Variants in KCTD16 observed in about 807,000 individuals in gnomAD.
KCTD16 encodes the protein BTB/POZ domain-containing protein KCTD16.
A neutral mutation model predicts 33.2 loss-of-function variants in KCTD16; 13 were observed. That is an observed-to-expected ratio of 0.39 (90% CI 0.25 to 0.62). The LOEUF is 0.62. Ranked by LOEUF, KCTD16 falls within the 20% of genes least tolerant of loss-of-function variation. The pLI, the probability that KCTD16 is intolerant of heterozygous loss-of-function variation, is 0.50. For missense variants in KCTD16, 441 were observed against 525.1 expected (o/e 0.84, Z 1.57); for synonymous variants, 197 against 195.3 (o/e 1.01, Z -0.07).
At chr5:144,229,436 C>G (rs1291685353) in intron 3 of KCTD16, among the ~76,000 whole-genome samples, 1 of 152,086 alleles carries the variant, frequency 6.6e-6, no homozygotes, top group East Asian at 1.9e-4. Context: ...TGAATAATGA[C>G]ACACTCAGGG....
At chr5:144,405,659 T>C (rs774522844) in intron 3 of KCTD16, among the ~76,000 whole-genome samples, 3 of 152,204 alleles carry the variant, frequency 2.0e-5, no homozygotes, top group Non-Finnish European at 4.4e-5. Context: ...TCTGAACTTG[T>C]AGCTCCAGGG....
Position 144,299,073 on chromosome 5 carries a change from T to TA in KCTD16, c.832+91527_832+91528insA, listed in dbSNP as rs57687911. ...ATATATATATATATATATATATATA[T>TA]TTTTGTATATATATATCACTATGTA... On this transcript the variant is annotated intron_variant, in intron 3 of 3. Transcript: ENST00000512467. Among the ~76,000 whole-genome samples the TA allele has an allele frequency of 1.7e-3, 111 of 64,018 alleles. 4 individuals are homozygous for TA. Among genetic ancestry groups the TA allele is most frequent in the Middle Eastern group, 7.7e-3 (1 of 130 alleles). 42.0% of individuals were successfully genotyped at this position (64,018 alleles called of 152,430 possible). A position where few individuals can be genotyped will look rare whatever the true frequency, so the allele number is the denominator to read the frequency against.
Position 144,478,058 on chromosome 5 carries a change from C to T in KCTD16, c.*3944C>T, listed in dbSNP as rs551530763. 3 of 152,132 alleles carry T rather than the reference C, an allele frequency of 2.0e-5. No homozygotes were observed. The highest frequency in any genetic ancestry group is 7.2e-5 in the African/African-American group (3 of 41,540). 9.4% of individuals were successfully genotyped at this position (152,132 alleles called of 1,614,324 possible). A position where few individuals can be genotyped will look rare whatever the true frequency, so the allele number is the denominator to read the frequency against. On this transcript the variant is annotated 3_prime_UTR_variant, in exon 4 of 4. Transcript: ENST00000512467. The stretch of plus-strand genomic sequence containing the variant: ...TTTATAGGTTTAGCATGGGCCATTT[C>T]TCTCTTTAATGTCTTGGTATTGTTG...
chr5:144,369,718 C>A (rs1427647252), intron 3 of KCTD16, among the ~76,000 whole-genome samples: 1 of 152,118 alleles, frequency 6.6e-6, no homozygotes, highest in African/African-American at 2.4e-5. Context: ...CAATCTAAAT[C>A]TAATCTCCTT....
At chr5:144,207,910 A>G in intron 3 of KCTD16, among the ~76,000 whole-genome samples, 1 of 152,218 alleles carries the variant, frequency 6.6e-6, no homozygotes, top group East Asian at 1.9e-4. Flanking sequence ...TGGTATACTC[A>G]GTGGGTGAAT....
At chr5:144,176,629 C>T (rs113866473) in intron 2 of KCTD16, among the ~76,000 whole-genome samples, 23,111 of 151,472 alleles carry the variant, frequency 0.15, 1,935 homozygotes, top group Admixed American at 0.25. Flanking sequence ...GTCTCGATCT[C>T]CTGACCTCAT....
At chr5:144,239,118 T>C (rs768089656) in intron 3 of KCTD16, among the ~76,000 whole-genome samples, 4 of 152,160 alleles carry the variant, frequency 2.6e-5, no homozygotes, top group Non-Finnish European at 4.4e-5. Flanking sequence ...AGTTGTCTTA[T>C]CTGCAAACTG....
intron 3 of KCTD16, among the ~76,000 whole-genome samples, chr5:144,403,994 G>C (rs1752759319): frequency 6.6e-6 from 1 of 152,178 alleles, no homozygotes; most frequent in African/African-American, 2.4e-5. Flanking sequence ...TGGGAAGCAG[G>C]CCGTGCGCAT....
At position 144,397,896 on chromosome 5, in the gene KCTD16, G is replaced by A. The variant is rs73303983; in HGVS notation, c.833-75764G>A. ...AAAAGAATTTATCTCTGATGTTAGT[G>A]AGAAGAACATGTCTCAGATTCCCCT... On this transcript the variant is annotated intron_variant, in intron 3 of 3. Coordinates refer to ENST00000512467, the MANE Select transcript of KCTD16 (RefSeq NM_020768.4). Among the ~76,000 whole-genome samples, 274 of 152,320 alleles carry A rather than the reference G, an allele frequency of 1.8e-3. 1 individual carries two copies. Among genetic ancestry groups the A allele is most frequent in the African/African-American group, 6.1e-3 (253 of 41,568 alleles).
chr5:144,397,429 G>A (rs1253924652), intron 3 of KCTD16, among the ~76,000 whole-genome samples: 1 of 152,084 alleles, frequency 6.6e-6, no homozygotes, highest in Non-Finnish European at 1.5e-5. Context: ...AATCCTTTGG[G>A]TATATACCCA....
intron 3 of KCTD16, among the ~76,000 whole-genome samples, chr5:144,214,356 ATCC>A (rs1341005315): frequency 7.2e-5 from 11 of 152,068 alleles, no homozygotes; most frequent in African/African-American, 2.7e-4. Flanking sequence ...CTTTGGATCT[ATCC>A]TCCTTGCTGC....
intron 3 of KCTD16, among the ~76,000 whole-genome samples, chr5:144,263,440 A>G (rs1755064248): frequency 6.6e-6 from 1 of 152,338 alleles, no homozygotes. Context: ...TTCTATGAAC[A>G]AATGTTAGAA....
At chr5:144,277,306 T>C (rs963672835) in intron 3 of KCTD16, among the ~76,000 whole-genome samples, 1 of 152,294 alleles carries the variant, frequency 6.6e-6, no homozygotes, top group African/African-American at 2.4e-5. Context: ...ATGACGACGA[T>C]GATGATGATG....
intron 3 of KCTD16, among the ~76,000 whole-genome samples, chr5:144,473,453 G>A (rs1309979220): frequency 6.6e-6 from 1 of 152,042 alleles, no homozygotes; most frequent in Non-Finnish European, 1.5e-5. Flanking sequence ...CTCTTATATA[G>A]CATGCCATCA....
intron 3 of KCTD16, among the ~76,000 whole-genome samples, chr5:144,270,399 ACT>A (rs561659615): frequency 6.6e-6 from 1 of 151,966 alleles, no homozygotes; most frequent in Non-Finnish European, 1.5e-5. Context: ...AAACTGGAAA[ACT>A]CAAAAATTTG....
At chr5:144,312,874 G>T (rs1751802144) in intron 3 of KCTD16, among the ~76,000 whole-genome samples, 1 of 152,178 alleles carries the variant, frequency 6.6e-6, no homozygotes, top group African/African-American at 2.4e-5. Flanking sequence ...ACAAGGTGAA[G>T]AAAACTTGTT....
At chr5:144,457,700 A>G (rs565369656) in intron 3 of KCTD16, among the ~76,000 whole-genome samples, 206 of 152,320 alleles carry the variant, frequency 1.4e-3, no homozygotes, top group Non-Finnish European at 2.4e-3. Flanking sequence ...ATCCCAATAT[A>G]TATGTTGTGA....
chr5:144,193,328 C>T (rs1052489232), intron 2 of KCTD16, among the ~76,000 whole-genome samples: 1 of 152,154 alleles, frequency 6.6e-6, no homozygotes, highest in Admixed American at 6.5e-5. Flanking sequence ...CTCACCCTTG[C>T]TCATTGGGAT....
At chr5:144,298,474 G>C (rs548426423) in intron 3 of KCTD16, among the ~76,000 whole-genome samples, 1 of 152,182 alleles carries the variant, frequency 6.6e-6, no homozygotes, top group Non-Finnish European at 1.5e-5. Context: ...AAGGGATGCT[G>C]GTGGCTATTG....
Sources: gnomAD v4.1 joint callset for allele counts (sites outside exome capture counted in the v4.1 genomes callset) on GRCh38, gnomAD v4.1.1 for gene constraint, MANE v1.5 for transcripts, NCBI Gene and HGNC (gene_info 2026-07-23, HGNC 2026-07-21) for gene names.